The following SAMD9L variants were observed in gnomAD, a reference collection of about 807,000 sequenced individuals.
SAMD9L encodes sterile alpha motif domain-containing protein 9-like.
A neutral mutation model predicts 90.7 loss-of-function variants in SAMD9L; 68 were observed. The observed-to-expected ratio is 0.75, with a 90% CI of 0.62 to 0.92. The LOEUF (loss-of-function observed/expected upper bound fraction) is 0.92, where lower values mean the gene tolerates loss of function less well. Ranked by LOEUF, SAMD9L falls within the 40% of genes least tolerant of loss-of-function variation. SAMD9L has a pLI of 0.00. For synonymous variants in SAMD9L, 640 were observed against 630.1 expected (o/e 1.02, Z -0.23); for missense variants, 1,604 against 1,824.3 (o/e 0.88, Z 2.20).
In SAMD9L at chr7:93,146,932, A is replaced by G. The variant is rs894228725; in HGVS notation, c.-828T>C. The G allele has an allele frequency of 6.6e-6, 1 of 152,226 alleles. No individual in the cohort carries two copies. Among genetic ancestry groups the G allele is most frequent in the Non-Finnish European group, 1.5e-5 (1 of 68,038 alleles). The allele number at this position is 152,226 out of a possible 1,614,324, so 9.4% of individuals were successfully genotyped here. On this transcript the variant is annotated 5_prime_UTR_variant, in exon 2 of 5. Transcript: ENST00000318238. Reference sequence around the variant, plus strand: ...GTCACCGAATGAGGCCATTTCTCACACAGCGTTTTCCCTGGAGGAGGTCCC... The same window carrying G: ...GTCACCGAATGAGGCCATTTCTCACGCAGCGTTTTCCCTGGAGGAGGTCCC...
In SAMD9L at chr7:93,134,585, G is replaced by A; in HGVS notation, c.1387C>T (p.Arg463Trp). ...NGVVKAYKESRVANLHFPNQY... is the reference protein window; with the variant it reads ...NGVVKAYKESWVANLHFPNQY... ...TTTGGAAAGTGAAGGTTTGCCACCC[G>A]ACTTTCTTTGTAAGCTTTGACCACT... is the stretch of plus-strand genomic sequence containing the variant. Residue 463 changes from arginine (R) to tryptophan (W), a missense_variant, in exon 5 of 5, where the codon CGG (arginine) becomes TGG (tryptophan). Physicochemically the swap from Arg to Trp is moderately radical, Grantham distance 101. Around this residue, in one of 7 missense-constraint regions of SAMD9L, gnomAD observed 606 missense variants for 717.6 expected, o/e 0.84. Coordinates refer to ENST00000318238, the MANE Select transcript of SAMD9L (RefSeq NM_152703.5). 6 of 1,613,878 alleles carry A rather than the reference G, an allele frequency of 3.7e-6. No individual in the cohort carries two copies. Among genetic ancestry groups the A allele is most frequent in the Admixed American group, 1.7e-5 (1 of 59,972 alleles).
At chr7:93,144,527 G>C (rs972425295) in intron 4 of SAMD9L, among the ~76,000 whole-genome samples, 1 of 152,180 alleles carries the variant, frequency 6.6e-6, no homozygotes, top group African/African-American at 2.4e-5. Flanking sequence ...TTCACATTAG[G>C]GATTTGAGCA....
chr7:93,143,319 A>AT (rs1792767133), intron 4 of SAMD9L, among the ~76,000 whole-genome samples: 1 of 151,684 alleles, frequency 6.6e-6, no homozygotes, highest in Non-Finnish European at 1.5e-5. Flanking sequence ...TGACTGGAGT[A>AT]TACTGGACAA....
intron 1 of SAMD9L, 66 bp downstream of exon 1, chr7:93,148,128 G>A (rs762902920): frequency 2.0e-5 from 3 of 152,142 alleles, no homozygotes; most frequent in Non-Finnish European, 4.4e-5. Flanking sequence ...TACAGCTGAA[G>A]TTTTAAAAAA....
At position 93,135,336 on chromosome 7, in the gene SAMD9L, G is replaced by T; in HGVS notation, c.636C>A (p.Asp212Glu). ...LTNTETATEV[D>E]IKMKFSNEVF... Reference sequence around the variant, plus strand: ...CTTCATTGCTGAATTTCATCTTAATGTCCACTTCCGTGGCTGTTTCTGTGT... The same window carrying T: ...CTTCATTGCTGAATTTCATCTTAATTTCCACTTCCGTGGCTGTTTCTGTGT... Residue 212 changes from aspartate to glutamate, a missense_variant, in exon 5 of 5, where the codon GAC becomes GAA. Asp to Glu is a conservative substitution (Grantham distance 45). Transcript: ENST00000318238. The T allele has an allele frequency of 6.2e-7, 1 of 1,614,106 alleles. No individual in the cohort carries two copies. Among genetic ancestry groups the T allele is most frequent in the Non-Finnish European group, 8.5e-7 (1 of 1,179,994 alleles).
intron 3 of SAMD9L, among the ~76,000 whole-genome samples, 195 bp downstream of exon 3, chr7:93,145,189 CA>C (rs1370958113): frequency 1.3e-5 from 2 of 152,184 alleles, no homozygotes; most frequent in Non-Finnish European, 2.9e-5. Context: ...GCAATCAGCA[CA>C]AGTTACATCT....
chr7:93,135,263 T>C lies in SAMD9L; in HGVS notation c.709A>G (p.Ile237Val). ...ACMNSRTNGTIHFGVKDKPHG... is the reference protein window; with the variant it reads ...ACMNSRTNGTVHFGVKDKPHG... Reference sequence around the variant, plus strand: ...GGTTTGTCCTTGACTCCAAAATGGATGGTGCCATTGGTGCGTGAATTCATA... The same window carrying C: ...GGTTTGTCCTTGACTCCAAAATGGACGGTGCCATTGGTGCGTGAATTCATA... Residue 237 changes from isoleucine (I) to valine (V), a missense_variant, in exon 5 of 5, where the codon ATC becomes GTC. This residue lies in a region of SAMD9L where 374 missense variants were observed against 363.6 expected (regional missense o/e 1.03). Coordinates refer to ENST00000318238, the MANE Select transcript of SAMD9L (RefSeq NM_152703.5). The C allele has an allele frequency of 6.2e-7, 1 of 1,614,126 alleles. No homozygotes were observed. Among genetic ancestry groups the C allele is most frequent in the East Asian group, 2.2e-5 (1 of 44,876 alleles).
rs1390928742 is a variant in SAMD9L, at chr7:93,132,803, G to C, written c.3169C>G (p.Pro1057Ala). Residue 1057 changes from proline (P) to alanine (A), a missense_variant, in exon 5 of 5, where the codon CCA becomes GCA. Physicochemically the swap from Pro to Ala is conservative, Grantham distance 27. Around this residue, in one of 7 missense-constraint regions of SAMD9L, gnomAD observed 302 missense variants for 314.7 expected, o/e 0.96. Coordinates refer to ENST00000318238, the MANE Select transcript of SAMD9L (RefSeq NM_152703.5). ...TTATTCTGTAAAGCTTCCATTAATG[G>C]GGAAAACAGAGTGTCTGTTTCATCT... Reference protein sequence around the residue: ...YGDETDTLFSPLMEALQNKDI... With the variant: ...YGDETDTLFSALMEALQNKDI... 1 of 1,613,666 alleles carries C rather than the reference G, an allele frequency of 6.2e-7. No homozygotes were observed. The highest frequency in any genetic ancestry group is 2.2e-5 in the East Asian group (1 of 44,876).
chr7:93,133,817 T>G lies in SAMD9L; in HGVS notation c.2155A>C (p.Lys719Gln). The change falls in exon 5 of 5, where the codon AAA becomes CAA. Residue 719 changes from lysine (K) to glutamine (Q), a missense_variant. By Grantham distance (53) the Lys-to-Gln change is moderately conservative. Coordinates refer to ENST00000318238, the MANE Select transcript of SAMD9L (RefSeq NM_152703.5). ...TCTGCCCAGCAGTGTATTAAATCTT[T>G]AAGCTTTTCATAACTGTCCCTTTTA... Reference protein sequence around the residue: ...FVKRDSYEKLKDLIHCWAESP... With the variant: ...FVKRDSYEKLQDLIHCWAESP... The G allele has an allele frequency of 1.9e-6, 3 of 1,613,536 alleles. No homozygotes were observed. The highest frequency in any genetic ancestry group is 2.5e-6 in the Non-Finnish European group (3 of 1,179,790).
In SAMD9L at chr7:93,134,280, G is replaced by A. The variant is rs757774992; in HGVS notation, c.1692C>T (p.Phe564=). The change falls in exon 5 of 5, where the codon TTC becomes TTT. Residue 564 remains phenylalanine (F), a synonymous_variant. Coordinates refer to ENST00000318238, the MANE Select transcript of SAMD9L (RefSeq NM_152703.5). ...CTTTGAGAGCTTGATAGAAAGCCCA[G>A]AAAGTTTCAATGAGTGGATCTCCTG... ...ESPGDPLIET[F]WAFYQALKGM... 3.7e-6 allele frequency: 6 copies of A among 1,613,486 alleles called. No homozygotes were observed. The East Asian group carries it at 1.3e-4, about 36-fold the overall frequency.
At position 93,134,194 on chromosome 7, in the gene SAMD9L, A is replaced by T; in HGVS notation, c.1778T>A (p.Leu593Gln). Residue 593 changes from leucine to glutamine, a missense_variant, in exon 5 of 5, where the codon CTA becomes CAA. Around this residue, in one of 7 missense-constraint regions of SAMD9L, gnomAD observed 606 missense variants for 717.6 expected, o/e 0.84. Coordinates refer to ENST00000318238, the MANE Select transcript of SAMD9L (RefSeq NM_152703.5). ...TTCCATCTTCATTCTTGTTTGTAGT[A>T]GATCTTTCCATCGTTGATAAATATG... Reference protein sequence around the residue: ...NSHIYQRWKDLLQTRMKMEDE... With the variant: ...NSHIYQRWKDQLQTRMKMEDE... 1 of 1,613,278 alleles carries T rather than the reference A, an allele frequency of 6.2e-7. No homozygotes were observed. Among genetic ancestry groups the T allele is most frequent in the Non-Finnish European group, 8.5e-7 (1 of 1,179,512 alleles).
chr7:93,133,170 G>A lies in SAMD9L; in HGVS notation c.2802C>T (p.Asp934=), dbSNP rs2116484864. The change falls in exon 5 of 5, where the codon GAC becomes GAT. Residue 934 remains aspartate, a synonymous_variant. Coordinates refer to ENST00000318238, the MANE Select transcript of SAMD9L (RefSeq NM_152703.5). ...CACACTGTGAAACTGAAATTGTAGA[G>A]TCAGTAACATAAGAGCTGAGTAAAG... ...FLALLSSYVT[D]STISVSQCEI... 1 of 1,613,514 alleles carries A rather than the reference G, an allele frequency of 6.2e-7. No homozygotes were observed. Among genetic ancestry groups the A allele is most frequent in the Non-Finnish European group, 8.5e-7 (1 of 1,179,716 alleles).
intron 4 of SAMD9L, among the ~76,000 whole-genome samples, chr7:93,144,314 A>G (rs1269509605): frequency 6.6e-6 from 1 of 152,146 alleles, no homozygotes; most frequent in Non-Finnish European, 1.5e-5. Flanking sequence ...GGTTCAATCA[A>G]CCACAGATTG....
chr7:93,134,533 A>T lies in SAMD9L; in HGVS notation c.1439T>A (p.Met480Lys). The T allele has an allele frequency of 2.5e-6, 4 of 1,613,934 alleles. No homozygotes were observed. Among genetic ancestry groups the T allele is most frequent in the Non-Finnish European group, 3.4e-6 (4 of 1,179,878 alleles). The change falls in exon 5 of 5, where the codon ATG becomes AAG. Residue 480 changes from methionine (M) to lysine (K), a missense_variant. This residue lies in a region of SAMD9L where 606 missense variants were observed against 717.6 expected (regional missense o/e 0.84). Transcript: ENST00000318238. Reference sequence around the variant, plus strand: ...ATTAAGAGTAGAAATCTTCTCCCACATGTTAGTTGTCTTGTCTTCATATTG... The same window carrying T: ...ATTAAGAGTAGAAATCTTCTCCCACTTGTTAGTTGTCTTGTCTTCATATTG... ...PNQYEDKTTN[M>K]WEKISTLNLY...
At position 93,132,635 on chromosome 7, in the gene SAMD9L, C is replaced by T; in HGVS notation, c.3337G>A (p.Ala1113Thr). Residue 1113 changes from alanine (A) to threonine (T), a missense_variant, in exon 5 of 5, where the codon GCA (alanine) becomes ACA (threonine). This residue lies in a region of SAMD9L where 302 missense variants were observed against 314.7 expected (regional missense o/e 0.96). Coordinates refer to ENST00000318238, the MANE Select transcript of SAMD9L (RefSeq NM_152703.5). ...TCTGAAATATAGGAATTTTTAGGTGCTTTCATTTTGGCCTGACGTGCCCAG... is the reference window on the plus strand; with the variant it reads ...TCTGAAATATAGGAATTTTTAGGTGTTTTCATTTTGGCCTGACGTGCCCAG... ...LDWARQAKMKAPKNSYISDTL... is the reference protein window; with the variant it reads ...LDWARQAKMKTPKNSYISDTL... The T allele has an allele frequency of 6.2e-7, 1 of 1,613,590 alleles. No individual in the cohort carries two copies.
chr7:93,146,675 G>A (rs1792902336), intron 2 of SAMD9L, among the ~76,000 whole-genome samples: 1 of 152,156 alleles, frequency 6.6e-6, no homozygotes, highest in African/African-American at 2.4e-5. Context: ...TTTTCCTAGG[G>A]AAATTATTTC....
intron 4 of SAMD9L, among the ~76,000 whole-genome samples, chr7:93,137,198 C>G (rs371173037): frequency 1.3e-5 from 2 of 152,194 alleles, no homozygotes; most frequent in African/African-American, 4.8e-5. Context: ...CAGTACCAGT[C>G]TCTAGCCTGT....
chr7:93,134,785 A>C lies in SAMD9L; in HGVS notation c.1187T>G (p.Leu396Arg). The C allele has an allele frequency of 6.2e-7, 1 of 1,613,362 alleles. No homozygotes were observed. The highest frequency in any genetic ancestry group is 8.5e-7 in the Non-Finnish European group (1 of 1,179,844). Residue 396 changes from leucine to arginine, a missense_variant, in exon 5 of 5, where the codon CTA becomes CGA. By Grantham distance (102) the Leu-to-Arg change is moderately radical. Coordinates refer to ENST00000318238, the MANE Select transcript of SAMD9L (RefSeq NM_152703.5). ...MKAMKKESEG[L>R]KLVKLLIGNR... ...TCCTATGAGAAGTTTAACCAGCTTT[A>C]GTCCTTCACTCTCCTTCTTCATTGC...
At chr7:93,143,008 A>G (rs1792752179) in intron 4 of SAMD9L, among the ~76,000 whole-genome samples, 2 of 152,182 alleles carry the variant, frequency 1.3e-5, no homozygotes, top group Admixed American at 1.3e-4. Context: ...CAACCATTAC[A>G]TGCCCAGAGA....
Sources: gnomAD v4.1 joint callset for allele counts (sites outside exome capture counted in the v4.1 genomes callset) on GRCh38, gnomAD v4.1.1 for gene constraint, gnomAD v4.1.1 regional missense constraint, MANE v1.5 for transcripts, NCBI Gene and HGNC (gene_info 2026-07-23, HGNC 2026-07-21) for gene names.